The following LRP2 variants were observed in gnomAD, a reference collection of about 807,000 sequenced individuals.
LRP2 encodes the protein LDL receptor related protein 2, also known as low-density lipoprotein receptor-related protein 2.
LRP2 carries 172 observed loss-of-function variants against 531.0 expected under a neutral mutation model. The observed-to-expected ratio is 0.32, with a 90% CI of 0.29 to 0.37. The LOEUF is 0.37. LRP2 is among the 10% of genes least tolerant of loss of function. The pLI is 1.00. For synonymous variants in LRP2, 1,992 were observed against 2,027.6 expected (o/e 0.98, Z 0.47); for missense variants, 5,167 against 5,868.3 (o/e 0.88, Z 3.90).
intron 32 of LRP2, among the ~76,000 whole-genome samples, chr2:169,225,747 C>G (rs1399889489): frequency 6.6e-6 from 1 of 152,212 alleles, no homozygotes; most frequent in Non-Finnish European, 1.5e-5. Context: ...AGATGTGGAT[C>G]AGAAGACCAG....
chr2:169,198,589 T>C (rs921585312), intron 45 of LRP2, among the ~76,000 whole-genome samples, 197 bp downstream of exon 45: 1 of 152,180 alleles, frequency 6.6e-6, no homozygotes, highest in African/African-American at 2.4e-5. Context: ...CTGGGAATTC[T>C]AGCCAGGGAA....
At chr2:169,160,992 C>G (rs769165449) in intron 63 of LRP2, among the ~76,000 whole-genome samples, 9 of 152,170 alleles carry the variant, frequency 5.9e-5, no homozygotes, top group Admixed American at 2.6e-4. Flanking sequence ...AGGAAAAAGT[C>G]AATTAGAGCC....
intron 41 of LRP2, 46 bp from the exon 42 acceptor site, chr2:169,204,317 G>A (rs781417862): frequency 6.3e-7 from 1 of 1,587,430 alleles, no homozygotes; most frequent in South Asian, 1.1e-5. Context: ...TCTCAAGTGA[G>A]TTAAGTTTTC....
chr2:169,186,006 G>A lies in LRP2; in HGVS notation c.9342C>T (p.Cys3114=), dbSNP rs199803029. ...SDEKGCGINE[C]HDPSISGCDH... Reference sequence around the variant, plus strand: ...CGCAGCCACTGATTGAAGGGTCATGGCATTCATTAATGCCTGTAGGTAAAA... The same window carrying A: ...CGCAGCCACTGATTGAAGGGTCATGACATTCATTAATGCCTGTAGGTAAAA... Residue 3114 remains cysteine (C), a synonymous_variant, in exon 50 of 79, where the codon TGC becomes TGT. Coordinates refer to ENST00000649046, the MANE Select transcript of LRP2 (RefSeq NM_004525.3). 5.7e-4 allele frequency: 925 copies of A among 1,613,382 alleles called. 15 individuals are homozygous for A. In the South Asian group the frequency reaches 9.7e-3, roughly 17 times the overall value.
Position 169,174,172 on chromosome 2 carries a change from C to T in LRP2, c.10769-8G>A. On this transcript the variant is annotated splice_region_variant and splice_polypyrimidine_tract_variant and intron_variant, in intron 55 of 78. Transcript: ENST00000649046. ...AGTCACAGTGGTGATTCTCTGAGAGCAGGGACATTTGGTTATCAGCTTGGA... is the reference window on the plus strand; with the variant it reads ...AGTCACAGTGGTGATTCTCTGAGAGTAGGGACATTTGGTTATCAGCTTGGA... 1 of 1,614,164 alleles carries T rather than the reference C, an allele frequency of 6.2e-7. No homozygotes were observed.
chr2:169,203,192 C>T (rs1055192669), intron 42 of LRP2, among the ~76,000 whole-genome samples: 2 of 152,178 alleles, frequency 1.3e-5, no homozygotes, highest in South Asian at 2.1e-4. Flanking sequence ...GAAATATCAA[C>T]GACTCTTCTC....
In LRP2 at chr2:169,187,962, G is replaced by A. The variant is rs569994995; in HGVS notation, c.9328+8C>T. 4 of 1,613,924 alleles carry A rather than the reference G, an allele frequency of 2.5e-6. No homozygotes were observed. In the East Asian group the frequency reaches 8.9e-5, roughly 36 times the overall value. ...GTTTCCTTTTCCCAAATCCTCTGTT[G>A]TACTCACCACAGCCTTTCTCATCGC... is the stretch of plus-strand genomic sequence containing the variant. On this transcript the variant is annotated splice_region_variant and intron_variant, in intron 49 of 78. Transcript: ENST00000649046.
intron 1 of LRP2, among the ~76,000 whole-genome samples, chr2:169,338,934 A>G (rs1178357809): frequency 1.3e-5 from 2 of 152,170 alleles, no homozygotes; most frequent in Non-Finnish European, 2.9e-5. Flanking sequence ...CCTCATCTAA[A>G]AACGGAGATA....
intron 4 of LRP2, among the ~76,000 whole-genome samples, chr2:169,301,890 A>G (rs892931039): frequency 2.0e-5 from 3 of 152,174 alleles, no homozygotes; most frequent in African/African-American, 7.2e-5. Context: ...AGGCAGGGCT[A>G]CAAACTACAA....
chr2:169,182,062 C>G, intron 51 of LRP2, 105 bp downstream of exon 51: 1 of 1,459,394 alleles, frequency 6.9e-7, no homozygotes, highest in Non-Finnish European at 9.6e-7. Context: ...GAAGACAAAC[C>G]CCAGCAAGAC....
chr2:169,225,316 T>C lies in LRP2; in HGVS notation c.5532A>G (p.Ser1844=). 1 of 1,613,802 alleles carries C rather than the reference T, an allele frequency of 6.2e-7. No homozygotes were observed. Among genetic ancestry groups the C allele is most frequent in the East Asian group, 2.2e-5 (1 of 44,866 alleles). ...NLYSTNPRTQ[S]IEVLTLHGDI... is the part of the protein sequence containing the mutation. ...AGTATTATGGAATCATTACCTCGAT[T>C]GACTGAGTTCTAGGATTGGTAGAAT... The change falls in exon 33 of 79, where the codon TCA becomes TCG. Residue 1844 remains serine, a synonymous_variant. Transcript: ENST00000649046.
chr2:169,214,518 G>T (rs1688707924), intron 35 of LRP2, among the ~76,000 whole-genome samples: 3 of 152,240 alleles, frequency 2.0e-5, no homozygotes. Context: ...CTCTGTGCCA[G>T]GATCTGGGCT....
chr2:169,287,036 C>T (rs1190996357), intron 9 of LRP2, among the ~76,000 whole-genome samples: 2 of 152,156 alleles, frequency 1.3e-5, no homozygotes, highest in African/African-American at 4.8e-5. Flanking sequence ...CACCCACAGA[C>T]GAGCCCCACT....
intron 77 of LRP2, among the ~76,000 whole-genome samples, chr2:169,129,575 A>G (rs1222706433): frequency 1.3e-5 from 2 of 152,258 alleles, no homozygotes; most frequent in Non-Finnish European, 2.9e-5. Flanking sequence ...TAATAATAAC[A>G]AAAACATCTA....
chr2:169,242,705 A>G (rs930591511), intron 24 of LRP2, among the ~76,000 whole-genome samples: 7 of 152,206 alleles, frequency 4.6e-5, no homozygotes, highest in African/African-American at 1.2e-4. Context: ...GAAAACAAAA[A>G]TATCTAAGAA....
At chr2:169,180,451 C>T (rs1687385266) in intron 52 of LRP2, among the ~76,000 whole-genome samples, 2 of 152,200 alleles carry the variant, frequency 1.3e-5, no homozygotes. Context: ...ATGCTAAAGG[C>T]TACCTTAGTG....
At chr2:169,332,022 A>G (rs1487536694) in intron 1 of LRP2, among the ~76,000 whole-genome samples, 1 of 152,222 alleles carries the variant, frequency 6.6e-6, no homozygotes, top group Admixed American at 6.5e-5. Context: ...GGTTTTCCTG[A>G]TTAATTAGGT....
chr2:169,319,042 T>C (rs1306882017), intron 2 of LRP2, among the ~76,000 whole-genome samples, 158 bp from the exon 3 acceptor site: 2 of 152,202 alleles, frequency 1.3e-5, no homozygotes, highest in African/African-American at 4.8e-5. Flanking sequence ...TGGACGCCAG[T>C]CAGAGTTCAC....
chr2:169,231,821 G>C lies in LRP2; in HGVS notation c.5120C>G (p.Ser1707Cys). The C allele has an allele frequency of 6.2e-7, 1 of 1,613,984 alleles. No homozygotes were observed. The highest frequency in any genetic ancestry group is 8.5e-7 in the Non-Finnish European group (1 of 1,179,934). Residue 1707 changes from serine (S) to cysteine (C), a missense_variant, in exon 31 of 79, where the codon TCC becomes TGC. By Grantham distance (112) the Ser-to-Cys change is moderately radical. Coordinates refer to ENST00000649046, the MANE Select transcript of LRP2 (RefSeq NM_004525.3). ...QPNSVNPCAFSRCSHLCLLSS... is the reference protein window; with the variant it reads ...QPNSVNPCAFCRCSHLCLLSS... ...AAGCAGGCAGAGATGGCTGCAGCGGGAAAAGGCACATGGATTCACGGCTGC... is the reference window on the plus strand; with the variant it reads ...AAGCAGGCAGAGATGGCTGCAGCGGCAAAAGGCACATGGATTCACGGCTGC...
Sources: allele counts gnomAD v4.1 joint callset (sites outside exome capture counted in the v4.1 genomes callset), GRCh38; gene constraint gnomAD v4.1.1; transcripts MANE v1.5; gene names NCBI Gene and HGNC (gene_info 2026-07-23, HGNC 2026-07-21).